The following CDC42 variants were observed in gnomAD, a reference collection of about 807,000 sequenced individuals.
The protein encoded by CDC42 is cell division control protein 42 homolog.
CDC42 carries 1 observed loss-of-function variant against 20.8 expected under a neutral mutation model. The ratio of observed to expected loss-of-function variants is 0.05; its 90% confidence interval spans 0.02 to 0.23. The LOEUF is 0.23. Ranked by LOEUF, CDC42 falls within the 10% of genes least tolerant of loss-of-function variation. CDC42 has a pLI of 1.00. For synonymous variants in CDC42, 72 were observed against 84.8 expected (o/e 0.85, Z 0.83); for missense variants, 49 against 227.9 (o/e 0.21, Z 5.05).
At position 22,095,935 on chromosome 1, in the gene CDC42, A is replaced by C. The variant is rs1421820703; in HGVS notation, c.*4418A>C. Among the ~76,000 whole-genome samples, 1 of 151,894 alleles carries C rather than the reference A, an allele frequency of 6.6e-6. No homozygotes were observed. Among genetic ancestry groups the C allele is most frequent in the Non-Finnish European group, 1.5e-5 (1 of 68,002 alleles). ...GATCCCAAGTCAGTGCTATTCATTC[A>C]TTTTTTTAAAAAAATTTATTTATTT... On this transcript the variant is annotated 3_prime_UTR_variant, in exon 6 of 6. Transcript: ENST00000656825.
chr1:22,083,994 G>A (rs553045395), intron 3 of CDC42, among the ~76,000 whole-genome samples: 2 of 152,188 alleles, frequency 1.3e-5, no homozygotes, highest in African/African-American at 4.8e-5. Context: ...TTTGATTGCC[G>A]AGTGTTATTC....
In CDC42 at chr1:22,075,687, G is replaced by T. The variant is rs139795282; in HGVS notation, c.-50-2742G>T. ...AAGCACTGTTGCAAGTTCTTTACAT[G>T]TATTATCTTAGTTTACCTTATGAGA... On this transcript the variant is annotated intron_variant, in intron 1 of 5. Transcript: ENST00000656825. Among the ~76,000 whole-genome samples the T allele has an allele frequency of 6.8e-4, 104 of 152,262 alleles. 1 individual carries two copies. Among genetic ancestry groups the T allele is most frequent in the East Asian group, 3.9e-3 (20 of 5,194 alleles).
chr1:22,059,891 TTTTCCTTC>T (rs1184528250), intron 1 of CDC42, among the ~76,000 whole-genome samples: 2 of 18,896 alleles, frequency 1.1e-4, no homozygotes, highest in Non-Finnish European at 2.0e-4. Context: ...GATATTTCCT[TTTTCCTTC>T]TTTAACTATA....
At chr1:22,065,413 G>A (rs1475955940) in intron 1 of CDC42, among the ~76,000 whole-genome samples, 1 of 152,194 alleles carries the variant, frequency 6.6e-6, no homozygotes, top group Non-Finnish European at 1.5e-5. Context: ...GATAAAATTA[G>A]CAAATAACCC....
intron 1 of CDC42, among the ~76,000 whole-genome samples, chr1:22,066,375 C>CAA (rs34997919): frequency 2.2e-5 from 3 of 137,190 alleles, no homozygotes; most frequent in African/African-American, 8.0e-5. Flanking sequence ...ACCCTGTCTC[C>CAA]AAAAAAAAAA....
In CDC42 at chr1:22,097,754, G is replaced by A. The variant is rs1200547841; in HGVS notation, c.*6237G>A. The stretch of plus-strand genomic sequence containing the variant: ...ATCCAGTGAGTCTTTAAAGCCCTAC[G>A]TTATAGAAAAATGTGAAGTATGTCT... On this transcript the variant is annotated 3_prime_UTR_variant, in exon 6 of 6. Transcript: ENST00000656825. Among the ~76,000 whole-genome samples the A allele has an allele frequency of 1.3e-5, 2 of 152,324 alleles. No homozygotes were observed. The highest frequency in any genetic ancestry group is 3.9e-4 in the East Asian group (2 of 5,192).
Position 22,084,339 on chromosome 1 carries a change from T to TA in CDC42, c.179-2100_179-2099insA, listed in dbSNP as rs1175531786. On this transcript the variant is annotated intron_variant, in intron 3 of 5. Coordinates refer to ENST00000656825, the MANE Select transcript of CDC42 (RefSeq NM_001791.4). Reference sequence around the variant, plus strand: ...TCTGTTCGACACTTATTTCCTGTTTTTTTTTTTTTTTTTTTTTTTTTAATT... The same window carrying TA: ...TCTGTTCGACACTTATTTCCTGTTTTATTTTTTTTTTTTTTTTTTTTTAATT... Among the ~76,000 whole-genome samples the TA allele has an allele frequency of 1.0e-4, 9 of 89,202 alleles. No homozygotes were observed. In the East Asian group the frequency reaches 2.4e-3, roughly 24 times the overall value. 58.5% of individuals were successfully genotyped at this position (89,202 alleles called of 152,430 possible).
intron 5 of CDC42, chr1:22,090,597 T>C: frequency 4.1e-6 from 4 of 985,780 alleles, no homozygotes; most frequent in Non-Finnish European, 3.6e-6. Context: ...GGGGAAGATA[T>C]TGATGTATCT....
chr1:22,078,031 A>T (rs1645570028), intron 1 of CDC42, among the ~76,000 whole-genome samples: 2 of 152,222 alleles, frequency 1.3e-5, no homozygotes, highest in Non-Finnish European at 2.9e-5. Context: ...TGGCCTTTGT[A>T]TTGCAGTCTA....
chr1:22,057,257 A>G (rs914273766), intron 1 of CDC42, among the ~76,000 whole-genome samples: 2 of 152,228 alleles, frequency 1.3e-5, no homozygotes, highest in Non-Finnish European at 2.9e-5. Flanking sequence ...TGAGTGCTGT[A>G]TAGATTTTTG....
chr1:22,060,056 A>G (rs1471603449), intron 1 of CDC42, among the ~76,000 whole-genome samples: 1 of 151,866 alleles, frequency 6.6e-6, no homozygotes, highest in Non-Finnish European at 1.5e-5. Flanking sequence ...AAAGATTATC[A>G]GTAGGCTGGG....
intron 1 of CDC42, among the ~76,000 whole-genome samples, chr1:22,062,571 A>C (rs17837952): frequency 1.3e-5 from 2 of 151,944 alleles, no homozygotes; most frequent in African/African-American, 4.8e-5. Context: ...GTATAAGAAC[A>C]TAAGTTGCCT....
rs1287241223 is a variant in CDC42, at chr1:22,094,796, G to C, written c.*3279G>C. Reference sequence around the variant, plus strand: ...ACATTGGTGTACATTTAATGTAGTAGTACTTTTTCTCCTTTTGCCCTGCAA... The same window carrying C: ...ACATTGGTGTACATTTAATGTAGTACTACTTTTTCTCCTTTTGCCCTGCAA... On this transcript the variant is annotated 3_prime_UTR_variant, in exon 6 of 6. Transcript: ENST00000656825. 6.6e-6 allele frequency among the ~76,000 whole-genome samples: 1 copy of C among 152,136 alleles called. No homozygotes were observed. The highest frequency in any genetic ancestry group is 1.9e-4 in the East Asian group (1 of 5,188).
rs1272778235 is a variant in CDC42 at position 22,101,032 on chromosome 1, G to C, written c.*9515G>C. 1 of 152,228 alleles carries C rather than the reference G, an allele frequency of 6.6e-6. No homozygotes were observed. The highest frequency in any genetic ancestry group is 1.5e-5 in the Non-Finnish European group (1 of 68,054). The allele number at this position is 152,228 out of a possible 1,614,324, so 9.4% of individuals were successfully genotyped here. On this transcript the variant is annotated 3_prime_UTR_variant, in exon 6 of 6. Transcript: ENST00000656825. ...TTGGCAGCTTGTGAAGGGTGGGCAG[G>C]CACCTGTGAATTCTTCACTGGCTTC... is the stretch of plus-strand genomic sequence containing the variant.
rs139458813 is a variant in CDC42, at chr1:22,056,864, C to T, written c.-51+4122C>T. Among the ~76,000 whole-genome samples, 40 of 152,390 alleles carry T rather than the reference C, an allele frequency of 2.6e-4. No homozygotes were observed. In the East Asian group the frequency reaches 7.3e-3, roughly 28 times the overall value. ...CTATATTGTTCAGCCATGGTATTCA[C>T]TAAGCACTGGTGCTCTATCACCTTA... On this transcript the variant is annotated intron_variant, in intron 1 of 5. Coordinates refer to ENST00000656825, the MANE Select transcript of CDC42 (RefSeq NM_001791.4).
chr1:22,058,415 G>C (rs1645326627), intron 1 of CDC42, among the ~76,000 whole-genome samples: 1 of 151,888 alleles, frequency 6.6e-6, no homozygotes, highest in Non-Finnish European at 1.5e-5. Flanking sequence ...TAAAGGAATT[G>C]TTGCTTCCTG....
intron 5 of CDC42, among the ~76,000 whole-genome samples, 184 bp downstream of exon 5, chr1:22,087,050 T>TC (rs755969405): frequency 4.6e-5 from 7 of 152,200 alleles, no homozygotes; most frequent in Non-Finnish European, 8.8e-5. Flanking sequence ...TATTATTAGT[T>TC]CCTAAACCCC....
rs559478576 is a variant in CDC42 at position 22,085,160 on chromosome 1, A to C, written c.179-1279A>C. ...GGCAGGAGAGTCTCTTGAACTGGGG[A>C]GGTGGAGGTTGCAGTGAGCCGAGAT... On this transcript the variant is annotated intron_variant, in intron 3 of 5. Coordinates refer to ENST00000656825, the MANE Select transcript of CDC42 (RefSeq NM_001791.4). Among the ~76,000 whole-genome samples, 14 of 143,634 alleles carry C rather than the reference A, an allele frequency of 9.7e-5. No homozygotes were observed. The South Asian group carries it at 2.3e-3, about 24-fold the overall frequency. 94.2% of individuals were successfully genotyped at this position (143,634 alleles called of 152,430 possible). A position where few individuals can be genotyped will look rare whatever the true frequency, so the allele number is the denominator to read the frequency against.
intron 1 of CDC42, chr1:22,064,280 C>T (rs1645397232): frequency 6.7e-6 from 1 of 148,160 alleles, no homozygotes; most frequent in East Asian, 2.0e-4. Flanking sequence ...ATCAAATACT[C>T]TTGTGAATGC....
Sources: allele counts gnomAD v4.1 joint callset (sites outside exome capture counted in the v4.1 genomes callset), GRCh38; gene constraint gnomAD v4.1.1; transcripts MANE v1.5; gene names NCBI Gene and HGNC (gene_info 2026-07-23, HGNC 2026-07-21).